ZMIZ1: variants seen among roughly 807,000 people sequenced by gnomAD.
ZMIZ1 encodes the protein zinc finger MIZ domain-containing protein 1.
Under a neutral mutation model 113.9 loss-of-function variants are expected in ZMIZ1, and 17 were observed. The observed-to-expected ratio is 0.15, with a 90% confidence interval of 0.10 to 0.22. The LOEUF is 0.22. Ranked by LOEUF, ZMIZ1 falls within the 10% of genes least tolerant of loss-of-function variation. The pLI is 1.00. For synonymous variants in ZMIZ1, 607 were observed against 603.1 expected (o/e 1.01, Z -0.09); for missense variants, 1,059 against 1,477.8 (o/e 0.72, Z 4.65).
intron 8 of ZMIZ1, among the ~76,000 whole-genome samples, chr10:79,281,958 G>C (rs1032485141): frequency 1.3e-5 from 2 of 152,144 alleles, no homozygotes; most frequent in Non-Finnish European, 2.9e-5. Flanking sequence ...TTTAGAAGAG[G>C]GTCATCTGTT....
In ZMIZ1 at chr10:79,306,124, C is replaced by A. The variant is rs143401864; in HGVS notation, c.2448C>A (p.Ile816=). The change falls in exon 22 of 25, where the codon ATC becomes ATA. Residue 816 remains isoleucine (I), a synonymous_variant. Coordinates refer to ENST00000334512, the MANE Select transcript of ZMIZ1 (RefSeq NM_020338.4). ...IQHSEFEEVT[I]DPTCSWRPVP... is the part of the protein sequence containing the mutation. The stretch of plus-strand genomic sequence containing the variant: ...GCTCCGAGTTTGAAGAGGTCACCAT[C>A]GATCCCACGTGCAGCTGGCGGCCGG... 17 of 1,613,548 alleles carry A rather than the reference C, an allele frequency of 1.1e-5. No homozygotes were observed. Among genetic ancestry groups the A allele is most frequent in the Admixed American group, 1.7e-5 (1 of 60,008 alleles).
At chr10:79,098,245 G>A (rs538618091) in intron 1 of ZMIZ1, among the ~76,000 whole-genome samples, 4 of 152,318 alleles carry the variant, frequency 2.6e-5, no homozygotes, top group African/African-American at 9.6e-5. Flanking sequence ...ATGAATCCTG[G>A]AGTTTATGCG....
chr10:79,086,835 C>G lies in ZMIZ1; in HGVS notation c.-337+17565C>G, dbSNP rs147242986. Among the ~76,000 whole-genome samples, 277 of 152,130 alleles carry G rather than the reference C, an allele frequency of 1.8e-3. 2 individuals are homozygous for G. The East Asian group carries it at 0.026, about 14-fold the overall frequency. ...CTGATTCTCTATACCTTTGGCCAAT[C>G]TCTTTCTTTTAAAACTAGGGTTTCC... On this transcript the variant is annotated intron_variant, in intron 1 of 24. Coordinates refer to ENST00000334512, the MANE Select transcript of ZMIZ1 (RefSeq NM_020338.4).
chr10:79,265,473 T>TC (rs1187471687), intron 7 of ZMIZ1, among the ~76,000 whole-genome samples: 1 of 150,294 alleles, frequency 6.7e-6, no homozygotes, highest in East Asian at 1.9e-4. Context: ...CTTTTCTTTT[T>TC]TTTTTTTTTT....
intron 2 of ZMIZ1, among the ~76,000 whole-genome samples, chr10:79,121,723 A>G (rs1237138038): frequency 1.3e-5 from 2 of 152,164 alleles, no homozygotes. Flanking sequence ...TCTGCTTGGC[A>G]TGGGTGGTAG....
intron 5 of ZMIZ1, 104 bp from the exon 6 acceptor site, chr10:79,208,232 C>A: frequency 1.1e-6 from 1 of 905,570 alleles, no homozygotes; most frequent in Non-Finnish European, 1.8e-6. Flanking sequence ...TTCTGTGAAC[C>A]TCCTCCCCAG....
intron 12 of ZMIZ1, chr10:79,295,534 C>CG (rs1853829600): frequency 6.6e-6 from 1 of 152,236 alleles, no homozygotes; most frequent in Non-Finnish European, 1.5e-5. Context: ...TCTTCTCTAG[C>CG]TTGGTGGGCA....
At chr10:79,143,183 G>A (rs771989609) in intron 3 of ZMIZ1, among the ~76,000 whole-genome samples, 7 of 152,034 alleles carry the variant, frequency 4.6e-5, no homozygotes, top group Admixed American at 6.6e-5. Context: ...GCTCCCCACC[G>A]CTCCATCTCT....
intron 6 of ZMIZ1, among the ~76,000 whole-genome samples, chr10:79,210,772 G>C (rs960599666): frequency 6.6e-6 from 1 of 152,238 alleles, no homozygotes; most frequent in Admixed American, 6.5e-5. Context: ...AGCCCTTGAA[G>C]GGTTGTCAGC....
intron 7 of ZMIZ1, among the ~76,000 whole-genome samples, chr10:79,217,710 A>G (rs1037499320): frequency 2.0e-5 from 3 of 152,124 alleles, no homozygotes; most frequent in African/African-American, 4.8e-5. Flanking sequence ...CTTTCCATGT[A>G]TGTTTCCAGT....
Position 79,240,638 on chromosome 10 carries a change from C to CTTTTTTTT in ZMIZ1, c.280+24384_280+24391dup, listed in dbSNP as rs56903717. ...CGTAAATCTAGTGAAGAGTATTTATCTTTTTTTTTTTTTTTTTTTTTTTTT... is the reference window on the plus strand; with the variant it reads ...CGTAAATCTAGTGAAGAGTATTTATCTTTTTTTTTTTTTTTTTTTTTTTTTTTTTTTTT... On this transcript the variant is annotated intron_variant, in intron 7 of 24. Coordinates refer to ENST00000334512, the MANE Select transcript of ZMIZ1 (RefSeq NM_020338.4). 7.8e-3 allele frequency among the ~76,000 whole-genome samples: 433 copies of CTTTTTTTT among 55,318 alleles called. 45 individuals carry two copies. Among genetic ancestry groups the CTTTTTTTT allele is most frequent in the African/African-American group, 0.022 (258 of 11,988 alleles). 36.3% of individuals were successfully genotyped at this position (55,318 alleles called of 152,430 possible). A position where few individuals can be genotyped will look rare whatever the true frequency, so the allele number is the denominator to read the frequency against.
intron 7 of ZMIZ1, among the ~76,000 whole-genome samples, chr10:79,272,453 C>T (rs894852781): frequency 6.6e-6 from 1 of 152,238 alleles, no homozygotes; most frequent in Non-Finnish European, 1.5e-5. Flanking sequence ...CCCTGAACCA[C>T]AGGGTTGTAG....
At chr10:79,073,110 C>T (rs975115871) in intron 1 of ZMIZ1, among the ~76,000 whole-genome samples, 2 of 152,098 alleles carry the variant, frequency 1.3e-5, no homozygotes, top group Non-Finnish European at 2.9e-5. Flanking sequence ...AGGAGATGGG[C>T]GAGAGGACCA....
intron 1 of ZMIZ1, among the ~76,000 whole-genome samples, chr10:79,111,982 C>T (rs922491115): frequency 3.3e-5 from 5 of 152,142 alleles, no homozygotes; most frequent in African/African-American, 7.2e-5. Context: ...CTTGGTTGGG[C>T]TAAAAAAGTA....
intron 8 of ZMIZ1, 118 bp downstream of exon 8, chr10:79,277,443 C>A: frequency 7.6e-7 from 1 of 1,310,338 alleles, no homozygotes; most frequent in Non-Finnish European, 1.0e-6. Context: ...GTTGCATTTT[C>A]TAAGGTGCAG....
At chr10:79,191,050 G>A (rs567375755) in intron 4 of ZMIZ1, among the ~76,000 whole-genome samples, 9 of 152,298 alleles carry the variant, frequency 5.9e-5, no homozygotes, top group African/African-American at 1.9e-4. Context: ...CTGGGAGAGT[G>A]CAGTGATTGA....
At chr10:79,278,127 C>T (rs1852422897) in intron 8 of ZMIZ1, among the ~76,000 whole-genome samples, 1 of 152,264 alleles carries the variant, frequency 6.6e-6, no homozygotes, top group African/African-American at 2.4e-5. Context: ...ACTCGGGTGT[C>T]AGCCACGCTT....
In ZMIZ1 at chr10:79,313,751, G is replaced by A. The variant is rs894640257; in HGVS notation, c.*1002G>A. Reference sequence around the variant, plus strand: ...GACAGCAAGCAAACCATTTCTCTCCGTCTGTTCTGTTTTTCTCCTAGTCCC... The same window carrying A: ...GACAGCAAGCAAACCATTTCTCTCCATCTGTTCTGTTTTTCTCCTAGTCCC... On this transcript the variant is annotated 3_prime_UTR_variant, in exon 25 of 25. Transcript: ENST00000334512. The A allele has an allele frequency of 1.9e-5, 6 of 315,976 alleles. No homozygotes were observed. Among genetic ancestry groups the A allele is most frequent in the Admixed American group, 4.4e-5 (1 of 22,920 alleles). The allele number at this position is 315,976 out of a possible 1,614,324, so 19.6% of individuals were successfully genotyped here.
intron 1 of ZMIZ1, among the ~76,000 whole-genome samples, chr10:79,076,609 G>A (rs944810259): frequency 6.6e-6 from 1 of 152,232 alleles, no homozygotes; most frequent in Non-Finnish European, 1.5e-5. Flanking sequence ...GCCTAGGCAG[G>A]TGGATCATGA....
Sources: allele counts gnomAD v4.1 joint callset (sites outside exome capture counted in the v4.1 genomes callset), GRCh38; gene constraint gnomAD v4.1.1; transcripts MANE v1.5; gene names NCBI Gene and HGNC (gene_info 2026-07-23, HGNC 2026-07-21).